Variants in CNTN4 observed in about 807,000 individuals in gnomAD.
CNTN4 encodes contactin-4.
In CNTN4, 77 loss-of-function variants were observed where a neutral mutation model predicts 122.5. The ratio of observed to expected loss-of-function variants is 0.63; its 90% CI spans 0.52 to 0.76. The LOEUF (loss-of-function observed/expected upper bound fraction) is 0.76. CNTN4 is among the 30% of genes least tolerant of loss of function. The pLI is 0.00. For missense variants in CNTN4, 1,256 were observed against 1,259.1 expected (o/e 1.00, Z 0.04); for synonymous variants, 512 against 447.0 (o/e 1.15, Z -1.83).
rs1001768321 is a variant in CNTN4, at chr3:2,571,968, A to G, written c.55+410A>G. 5.3e-5 allele frequency among the ~76,000 whole-genome samples: 8 copies of G among 151,896 alleles called. No homozygotes were observed. In the East Asian group the frequency reaches 1.5e-3, roughly 29 times the overall value. ...CTCTTTCAGTGTCTTTGTTGATACC[A>G]CTCCATCTTCTGATACTGACTCTCT... On this transcript the variant is annotated intron_variant, in intron 4 of 24. Transcript: ENST00000418658.
Position 2,408,753 on chromosome 3 carries a change from C to G in CNTN4, c.-89+69520C>G, listed in dbSNP as rs190428684. 2.7e-3 allele frequency among the ~76,000 whole-genome samples: 405 copies of G among 152,230 alleles called. 4 individuals carry two copies. The highest frequency in any genetic ancestry group is 9.0e-3 in the African/African-American group (375 of 41,536). ...CAATACTAGGTGAAAATAGCTTCAT[C>G]ATAGAATAAAATGTGGTGTTAGTAG... On this transcript the variant is annotated intron_variant, in intron 3 of 24. Coordinates refer to ENST00000418658, the MANE Select transcript of CNTN4 (RefSeq NM_175607.3).
At chr3:2,202,991 ATTT>A (rs5846170) in intron 2 of CNTN4, among the ~76,000 whole-genome samples, 6 of 139,900 alleles carry the variant, frequency 4.3e-5, no homozygotes, top group African/African-American at 1.3e-4. Flanking sequence ...CTGGCTAATT[ATTT>A]TTTTTTTTTT....
chr3:2,944,059 A>G (rs1000455544), intron 13 of CNTN4, among the ~76,000 whole-genome samples: 4 of 152,030 alleles, frequency 2.6e-5, no homozygotes, highest in Non-Finnish European at 4.4e-5. Flanking sequence ...CCATTGATGA[A>G]TTTTTCCTCA....
At chr3:2,861,773 C>A (rs1191093326) in intron 7 of CNTN4, among the ~76,000 whole-genome samples, 2 of 152,136 alleles carry the variant, frequency 1.3e-5, no homozygotes, top group East Asian at 1.9e-4. Flanking sequence ...TGATTCCTAG[C>A]AAGTTACTGG....
intron 7 of CNTN4, among the ~76,000 whole-genome samples, chr3:2,838,974 G>T (rs1315028135): frequency 2.6e-5 from 4 of 152,294 alleles, no homozygotes; most frequent in African/African-American, 7.2e-5. Flanking sequence ...AACTAAAGCA[G>T]GTAGATTATT....
chr3:2,564,577 A>T (rs778005156), intron 3 of CNTN4, among the ~76,000 whole-genome samples: 2 of 152,176 alleles, frequency 1.3e-5, no homozygotes, highest in Non-Finnish European at 2.9e-5. Flanking sequence ...CCTTAAAAAC[A>T]ATCTGGCCCA....
intron 1 of CNTN4, 136 bp from the exon 2 acceptor site, chr3:2,100,422 T>G (rs1018016373): frequency 6.6e-6 from 1 of 152,218 alleles, no homozygotes; most frequent in Non-Finnish European, 1.5e-5. Context: ...TTTTTGAGAT[T>G]TCTGGTTTAT....
chr3:2,656,207 C>A (rs1487910199), intron 4 of CNTN4, among the ~76,000 whole-genome samples: 2 of 152,108 alleles, frequency 1.3e-5, no homozygotes, highest in African/African-American at 2.4e-5. Context: ...CATTTCGCTG[C>A]ATGATAGTAA....
intron 3 of CNTN4, among the ~76,000 whole-genome samples, chr3:2,445,754 C>G (rs184514354): frequency 2.0e-5 from 3 of 152,030 alleles, no homozygotes; most frequent in Admixed American, 6.6e-5. Flanking sequence ...AAGTTAGCAC[C>G]TTTTTCTTGC....
At chr3:2,936,319 G>T (rs553676635) in intron 13 of CNTN4, among the ~76,000 whole-genome samples, 10 of 152,294 alleles carry the variant, frequency 6.6e-5, no homozygotes, top group South Asian at 2.1e-4. Context: ...GCTGACTGCA[G>T]CAAAATCAAC....
At chr3:2,371,975 A>G (rs924831988) in intron 3 of CNTN4, among the ~76,000 whole-genome samples, 11 of 152,256 alleles carry the variant, frequency 7.2e-5, no homozygotes, top group Admixed American at 5.2e-4. Context: ...TAAAACCAGC[A>G]TCTGATTACT....
chr3:2,181,954 A>G (rs1015265927), intron 2 of CNTN4, among the ~76,000 whole-genome samples: 1 of 152,178 alleles, frequency 6.6e-6, no homozygotes, highest in African/African-American at 2.4e-5. Context: ...CTCTGCAAGA[A>G]TAAATACTGA....
chr3:2,214,413 C>T (rs2038747601), intron 2 of CNTN4, among the ~76,000 whole-genome samples: 2 of 152,194 alleles, frequency 1.3e-5, no homozygotes, highest in African/African-American at 2.4e-5. Context: ...GATCAGATTT[C>T]CGTGTATTTA....
intron 3 of CNTN4, among the ~76,000 whole-genome samples, chr3:2,552,204 T>A (rs1031281932): frequency 1.3e-5 from 2 of 152,156 alleles, no homozygotes; most frequent in African/African-American, 4.8e-5. Flanking sequence ...AAACACATGA[T>A]ACTTTTACAA....
intron 2 of CNTN4, among the ~76,000 whole-genome samples, chr3:2,107,319 G>A (rs183865287): frequency 5.3e-5 from 8 of 152,284 alleles, no homozygotes; most frequent in Non-Finnish European, 8.8e-5. Context: ...ATTTATAAAG[G>A]AGAGAGGTTT....
At chr3:2,225,905 T>C (rs1184183219) in intron 2 of CNTN4, among the ~76,000 whole-genome samples, 2 of 152,146 alleles carry the variant, frequency 1.3e-5, no homozygotes, top group African/African-American at 4.8e-5. Context: ...ATCTTGGATT[T>C]GAGTACAAGG....
intron 2 of CNTN4, among the ~76,000 whole-genome samples, chr3:2,287,001 G>T (rs1308672225): frequency 6.6e-6 from 1 of 152,194 alleles, no homozygotes; most frequent in African/African-American, 2.4e-5. Context: ...GTTTTGTGGA[G>T]ATATTCGTAG....
At position 3,049,168 on chromosome 3, in the gene CNTN4, C is replaced by T. The variant is rs535733439; in HGVS notation, c.2812-4639C>T. ...TACAATCTTGGCTCACTGCAACCTC[C>T]GCCTCCAGGGTTCAAGCAGTTCTCC... On this transcript the variant is annotated intron_variant, in intron 23 of 24. Coordinates refer to ENST00000418658, the MANE Select transcript of CNTN4 (RefSeq NM_175607.3). Among the ~76,000 whole-genome samples, 8 of 152,308 alleles carry T rather than the reference C, an allele frequency of 5.3e-5. No homozygotes were observed. The East Asian group carries it at 5.8e-4, about 11-fold the overall frequency.
chr3:2,586,620 C>G (rs1004240064), intron 4 of CNTN4, among the ~76,000 whole-genome samples: 1 of 152,178 alleles, frequency 6.6e-6, no homozygotes, highest in South Asian at 2.1e-4. Context: ...TTTATAGTCC[C>G]TGTGCGGAAA....
Sources: gnomAD v4.1 joint callset for allele counts (sites outside exome capture counted in the v4.1 genomes callset) on GRCh38, gnomAD v4.1.1 for gene constraint, MANE v1.5 for transcripts, NCBI Gene and HGNC (gene_info 2026-07-23, HGNC 2026-07-21) for gene names.